The following CLMN variants were observed in gnomAD, a reference collection of about 807,000 sequenced individuals.
CLMN encodes the protein calmin (calponin-like, transmembrane).
A neutral mutation model predicts 92.7 loss-of-function variants in CLMN; 57 were observed. The observed-to-expected ratio is 0.61, with a 90% confidence interval of 0.50 to 0.77. The LOEUF (loss-of-function observed/expected upper bound fraction) is 0.77, where lower values mean the gene tolerates loss of function less well. CLMN is among the 30% of genes least tolerant of loss of function. CLMN has a pLI of 0.00. For synonymous variants in CLMN, 466 were observed against 470.6 expected (o/e 0.99, Z 0.13); for missense variants, 1,158 against 1,237.5 (o/e 0.94, Z 0.96).
chr14:95,263,270 C>A (rs756195983), intron 1 of CLMN, among the ~76,000 whole-genome samples: 37 of 152,068 alleles, frequency 2.4e-4, no homozygotes, highest in Non-Finnish European at 5.0e-4. Context: ...GGGAAAAGAC[C>A]CCTTATAAAA....
At chr14:95,301,241 TTG>T (rs1901040084) in intron 1 of CLMN, among the ~76,000 whole-genome samples, 1 of 152,234 alleles carries the variant, frequency 6.6e-6, no homozygotes, top group Non-Finnish European at 1.5e-5. Flanking sequence ...CCCATAATTC[TTG>T]TGTGTCCGAG....
At chr14:95,297,333 C>T (rs556567794) in intron 1 of CLMN, among the ~76,000 whole-genome samples, 3 of 152,318 alleles carry the variant, frequency 2.0e-5, no homozygotes, top group African/African-American at 7.2e-5. Flanking sequence ...ATTCCCAGCT[C>T]GCTAGTGGTC....
At chr14:95,309,929 G>T (rs1901457637) in intron 1 of CLMN, among the ~76,000 whole-genome samples, 1 of 152,230 alleles carries the variant, frequency 6.6e-6, no homozygotes, top group Non-Finnish European at 1.5e-5. Context: ...AGTTCTGAAG[G>T]TCAGAAGTCT....
chr14:95,209,585 T>G (rs1448320313), intron 7 of CLMN, 108 bp from the exon 8 acceptor site: 2 of 896,006 alleles, frequency 2.2e-6, no homozygotes, highest in East Asian at 5.0e-5. Flanking sequence ...GAAGGTTTTT[T>G]CTCTTTATTT....
In CLMN at chr14:95,294,017, AAAGAG is replaced by A. The variant is rs1900705949; in HGVS notation, c.82+25689_82+25693del. Among the ~76,000 whole-genome samples, 1 of 129,126 alleles carries A rather than the reference AAAGAG, an allele frequency of 7.7e-6. No individual in the cohort carries two copies. The highest frequency in any genetic ancestry group is 1.7e-5 in the Non-Finnish European group (1 of 58,490). The allele number at this position is 129,126 out of a possible 152,430, so 84.7% of individuals were successfully genotyped here. On this transcript the variant is annotated intron_variant, in intron 1 of 12. Transcript: ENST00000298912. The surrounding 1 kb of genome is among the most constrained non-coding windows in gnomAD (Gnocchi z 4.2). ...CACTGCCTGGCTGGAGGGTGACACCAAAGAGGAGGAGGAGGAGGAGGAGGCCAGAA... is the reference window on the plus strand; with the variant it reads ...CACTGCCTGGCTGGAGGGTGACACCAGAGGAGGAGGAGGAGGAGGCCAGAA...
In CLMN at chr14:95,194,647, G is replaced by C. The variant is rs1896652185; in HGVS notation, c.2709-51C>G. The C allele has an allele frequency of 1.3e-6, 2 of 1,564,218 alleles. No individual in the cohort carries two copies. The highest frequency in any genetic ancestry group is 3.3e-5 in the Admixed American group (2 of 59,960). On this transcript the variant is annotated intron_variant, in intron 10 of 12. Coordinates refer to ENST00000298912, the MANE Select transcript of CLMN (RefSeq NM_024734.4). This position sits in a 1 kb window ranked among gnomAD's most constrained non-coding sequence, Gnocchi z 4.0. ...TTGGTACCACCTGGAGCTCTTCATGGCTCAGTTGTACGGTCACCCCCATCC... is the reference window on the plus strand; with the variant it reads ...TTGGTACCACCTGGAGCTCTTCATGCCTCAGTTGTACGGTCACCCCCATCC...
At chr14:95,260,207 C>T (rs966521147) in intron 1 of CLMN, among the ~76,000 whole-genome samples, 1 of 152,046 alleles carries the variant, frequency 6.6e-6, no homozygotes, top group Non-Finnish European at 1.5e-5. Flanking sequence ...TTTGGGAGGC[C>T]GAGGCAGGCA....
At chr14:95,285,749 G>A (rs1447605294) in intron 1 of CLMN, among the ~76,000 whole-genome samples, 1 of 152,190 alleles carries the variant, frequency 6.6e-6, no homozygotes, top group Non-Finnish European at 1.5e-5. Context: ...GGATGAGGTG[G>A]ACTTTTGAGC....
At chr14:95,273,368 G>T (rs1899789935) in intron 1 of CLMN, among the ~76,000 whole-genome samples, 1 of 152,178 alleles carries the variant, frequency 6.6e-6, no homozygotes, top group South Asian at 2.1e-4. Flanking sequence ...CGTCAAGAAG[G>T]GCTCCTCCCT....
At chr14:95,306,307 T>C (rs182258154) in intron 1 of CLMN, among the ~76,000 whole-genome samples, 4 of 151,900 alleles carry the variant, frequency 2.6e-5, no homozygotes, top group Admixed American at 1.3e-4. Context: ...AAGTCAGGAG[T>C]TCGAGACCAG....
intron 1 of CLMN, among the ~76,000 whole-genome samples, chr14:95,309,823 C>T (rs1016924369): frequency 1.3e-5 from 2 of 152,212 alleles, no homozygotes; most frequent in African/African-American, 4.8e-5. Flanking sequence ...GGCTTGACAG[C>T]CATTTGTTAT....
At chr14:95,263,253 A>G (rs1899330891) in intron 1 of CLMN, among the ~76,000 whole-genome samples, 1 of 152,226 alleles carries the variant, frequency 6.6e-6, no homozygotes, top group African/African-American at 2.4e-5. Flanking sequence ...AGAAGTGCCA[A>G]ACAAAGGGGA....
chr14:95,278,743 A>G (rs1169771132), intron 1 of CLMN, among the ~76,000 whole-genome samples: 1 of 152,186 alleles, frequency 6.6e-6, no homozygotes, highest in African/African-American at 2.4e-5. Context: ...CTCTCTTTGC[A>G]TATTTGGATC....
At position 95,291,561 on chromosome 14, in the gene CLMN, C is replaced by T. The variant is rs558287049; in HGVS notation, c.82+28150G>A. ...GCCCAGGTGAAAGCTCCAGGAGAGACGGAGTCAGACTGGCCCCAGCAAACC... is the reference window on the plus strand; with the variant it reads ...GCCCAGGTGAAAGCTCCAGGAGAGATGGAGTCAGACTGGCCCCAGCAAACC... On this transcript the variant is annotated intron_variant, in intron 1 of 12. Transcript: ENST00000298912. Among the ~76,000 whole-genome samples the T allele has an allele frequency of 3.3e-5, 5 of 152,284 alleles. No individual in the cohort carries two copies. In the East Asian group the frequency reaches 7.7e-4, roughly 24 times the overall value.
At chr14:95,198,577 G>A (rs549714304) in intron 9 of CLMN, among the ~76,000 whole-genome samples, 10 of 152,102 alleles carry the variant, frequency 6.6e-5, no homozygotes, top group South Asian at 2.1e-4. Context: ...GTGAGGCAGC[G>A]GACCGGAGCC....
intron 1 of CLMN, among the ~76,000 whole-genome samples, chr14:95,242,987 C>A (rs563138161): frequency 6.6e-6 from 1 of 152,282 alleles, no homozygotes; most frequent in Non-Finnish European, 1.5e-5. Flanking sequence ...GTAAATGTTG[C>A]AGACTTTGAA....
chr14:95,222,136 A>G (rs777718234), intron 3 of CLMN, among the ~76,000 whole-genome samples: 10 of 152,120 alleles, frequency 6.6e-5, no homozygotes, highest in Non-Finnish European at 1.5e-4. Context: ...GAGACCCTCC[A>G]TTACGTGTTC....
chr14:95,198,159 T>C (rs1282289155), intron 9 of CLMN, among the ~76,000 whole-genome samples: 2 of 150,928 alleles, frequency 1.3e-5, no homozygotes, highest in Non-Finnish European at 3.0e-5. Context: ...AAGTGATTTT[T>C]CTGCCTCAGC....
chr14:95,200,965 T>C (rs1424053352), intron 9 of CLMN, among the ~76,000 whole-genome samples: 2 of 145,026 alleles, frequency 1.4e-5, no homozygotes, highest in Non-Finnish European at 3.0e-5. Flanking sequence ...CTAATGCCTA[T>C]GTTAGTGGTA....
Sources: gnomAD v4.1 joint callset for allele counts (sites outside exome capture counted in the v4.1 genomes callset) on GRCh38, gnomAD v4.1.1 for gene constraint, Gnocchi (gnomAD v3.1) non-coding constraint, MANE v1.5 for transcripts, NCBI Gene and HGNC (gene_info 2026-07-23, HGNC 2026-07-21) for gene names.